Variants in COL21A1 observed in about 807,000 individuals in gnomAD.
COL21A1 encodes the protein collagen alpha-1(XXI) chain.
In COL21A1, 149 loss-of-function variants were observed where a neutral mutation model predicts 137.9. The ratio of observed to expected loss-of-function variants is 1.08; its 90% confidence interval spans 0.95 to 1.24. The LOEUF (loss-of-function observed/expected upper bound fraction) is 1.24, where lower values mean the gene tolerates loss of function less well. Ranked by LOEUF, COL21A1 falls within the 50% of genes most tolerant of loss-of-function variation. The pLI, the probability that COL21A1 is intolerant of heterozygous loss-of-function variation, is 0.00. For synonymous variants in COL21A1, 456 were observed against 391.5 expected, an observed-to-expected ratio of 1.16 and a Z score of -1.95; for missense variants, 1,167 against 1,158.4, an observed-to-expected ratio of 1.01 and a Z score of -0.11.
At chr6:56,320,518 AACACAC>A (rs55942460) in intron 1 of COL21A1, among the ~76,000 whole-genome samples, 35,758 of 149,252 alleles carry the variant, frequency 0.24, 5,045 homozygotes, top group Middle Eastern at 0.43. Context: ...ACACAATCTG[AACACAC>A]ACACACACAC....
At chr6:56,185,841 A>G (rs918630635) in intron 1 of COL21A1, among the ~76,000 whole-genome samples, 2 of 152,232 alleles carry the variant, frequency 1.3e-5, no homozygotes, top group African/African-American at 4.8e-5. Flanking sequence ...CTCCTGGTCC[A>G]GATAGCTTCA....
At chr6:56,201,068 T>C (rs2152297952) in intron 1 of COL21A1, among the ~76,000 whole-genome samples, 1 of 152,302 alleles carries the variant, frequency 6.6e-6, no homozygotes, top group African/African-American at 2.4e-5. Context: ...TGATGAGCAT[T>C]TTTTCATGTG....
At chr6:56,200,711 C>T (rs910041269) in intron 1 of COL21A1, among the ~76,000 whole-genome samples, 3 of 152,090 alleles carry the variant, frequency 2.0e-5, no homozygotes, top group Admixed American at 1.3e-4. Flanking sequence ...CATTGTTGGA[C>T]ATATGGCTTG....
intron 1 of COL21A1, among the ~76,000 whole-genome samples, chr6:56,327,869 G>T (rs1271423873): frequency 2.0e-5 from 3 of 152,016 alleles, no homozygotes; most frequent in African/African-American, 7.3e-5. Flanking sequence ...TAGAATGCCT[G>T]GCTAGGAAAC....
chr6:56,121,565 T>TATAC (rs1329620101), intron 16 of COL21A1, among the ~76,000 whole-genome samples: 1 of 147,216 alleles, frequency 6.8e-6, no homozygotes, highest in African/African-American at 2.5e-5. Context: ...TATGTGTATA[T>TATAC]ATATATATGT....
At chr6:56,252,884 T>A (rs1244013963) in intron 1 of COL21A1, among the ~76,000 whole-genome samples, 1 of 152,174 alleles carries the variant, frequency 6.6e-6, no homozygotes, top group Admixed American at 6.5e-5. Flanking sequence ...CTGGGGCTTT[T>A]TAGAACGAAT....
At chr6:56,312,241 C>T (rs372266377) in intron 1 of COL21A1, among the ~76,000 whole-genome samples, 1 of 152,034 alleles carries the variant, frequency 6.6e-6, no homozygotes, top group Non-Finnish European at 1.5e-5. Context: ...CAATGGAAGC[C>T]GATTGTTGAC....
In COL21A1 at chr6:56,084,229, T is replaced by TA. The variant is rs960593642; in HGVS notation, c.1813-6657dup. ...AGTATGCAGAAAAAATATATATATA[T>TA]AAAAAACATTAATAAGAGAGATTAG... is the stretch of plus-strand genomic sequence containing the variant. On this transcript the variant is annotated intron_variant, in intron 17 of 29. Coordinates refer to ENST00000244728, the MANE Select transcript of COL21A1 (RefSeq NM_030820.4). Among the ~76,000 whole-genome samples, 8 of 151,192 alleles carry TA rather than the reference T, an allele frequency of 5.3e-5. No individual in the cohort carries two copies. The Admixed American group carries it at 5.3e-4, about 10-fold the overall frequency.
chr6:56,189,042 A>G (rs1172125050), intron 1 of COL21A1, among the ~76,000 whole-genome samples: 1 of 152,116 alleles, frequency 6.6e-6, no homozygotes, highest in African/African-American at 2.4e-5. Flanking sequence ...AAATTCCAAA[A>G]ACCAGAACAC....
upstream of COL21A1, among the ~76,000 whole-genome samples, chr6:56,248,944 G>A (rs1782778575): frequency 6.6e-6 from 1 of 152,252 alleles, no homozygotes; most frequent in South Asian, 2.1e-4. Context: ...ACACTATCTA[G>A]AAAGTAAACA....
intron 1 of COL21A1, among the ~76,000 whole-genome samples, chr6:56,357,319 A>G (rs1765857011): frequency 6.6e-6 from 1 of 152,196 alleles, no homozygotes; most frequent in South Asian, 2.1e-4. Context: ...ATGGAAGTGT[A>G]TCTTACAATC....
rs2114010879 is a variant in COL21A1 at position 56,057,466 on chromosome 6, G to A, written c.*191C>T. 1 of 596,138 alleles carries A rather than the reference G, an allele frequency of 1.7e-6. No individual in the cohort carries two copies. The highest frequency in any genetic ancestry group is 2.9e-6 in the Non-Finnish European group (1 of 343,868). 36.9% of individuals were successfully genotyped at this position (596,138 alleles called of 1,614,324 possible). A position where few individuals can be genotyped will look rare whatever the true frequency, so the allele number is the denominator to read the frequency against. Reference sequence around the variant, plus strand: ...TTTAATTAATGCTGCTAATCCAAGGGCTCCAAATGACTGAGGAGCCTTTAA... The same window carrying A: ...TTTAATTAATGCTGCTAATCCAAGGACTCCAAATGACTGAGGAGCCTTTAA... On this transcript the variant is annotated 3_prime_UTR_variant, in exon 30 of 30. Transcript: ENST00000244728.
intron 1 of COL21A1, among the ~76,000 whole-genome samples, chr6:56,204,203 C>T (rs1003351411): frequency 6.6e-6 from 1 of 152,096 alleles, no homozygotes; most frequent in South Asian, 2.1e-4. Flanking sequence ...GGGTCGCTCC[C>T]CCATGGAGCC....
At chr6:56,215,824 AG>A (rs1268154253) in intron 1 of COL21A1, among the ~76,000 whole-genome samples, 2 of 152,132 alleles carry the variant, frequency 1.3e-5, no homozygotes, top group Non-Finnish European at 2.9e-5. Flanking sequence ...TATGGTTGAA[AG>A]GAATCTCCTT....
chr6:56,241,759 A>G (rs1379519059), intron 1 of COL21A1, among the ~76,000 whole-genome samples: 1 of 152,252 alleles, frequency 6.6e-6, no homozygotes, highest in Non-Finnish European at 1.5e-5. Flanking sequence ...ATGTCAAACG[A>G]CAATCAAAAA....
intron 1 of COL21A1, among the ~76,000 whole-genome samples, chr6:56,246,131 A>G (rs141871659): frequency 6.6e-6 from 1 of 152,264 alleles, no homozygotes; most frequent in Non-Finnish European, 1.5e-5. Context: ...CCACTTCAAT[A>G]ATCCAGAGGC....
intron 1 of COL21A1, among the ~76,000 whole-genome samples, chr6:56,195,189 A>G (rs1361730506): frequency 6.6e-6 from 1 of 152,128 alleles, no homozygotes; most frequent in East Asian, 1.9e-4. Context: ...TTTATAAATT[A>G]TGCAGTTTTG....
chr6:56,323,851 A>G (rs1764934993), intron 1 of COL21A1, among the ~76,000 whole-genome samples: 1 of 152,138 alleles, frequency 6.6e-6, no homozygotes, highest in African/African-American at 2.4e-5. Context: ...TGTAGCCTGA[A>G]GTAAAAATGT....
At chr6:56,298,741 A>G (rs1764215537) in intron 1 of COL21A1, among the ~76,000 whole-genome samples, 1 of 152,076 alleles carries the variant, frequency 6.6e-6, no homozygotes, top group Non-Finnish European at 1.5e-5. Context: ...AGCTATAAAC[A>G]TACTGCCAGC....
Sources: gnomAD v4.1 joint callset for allele counts (sites outside exome capture counted in the v4.1 genomes callset) on GRCh38, gnomAD v4.1.1 for gene constraint, MANE v1.5 for transcripts, NCBI Gene and HGNC (gene_info 2026-07-23, HGNC 2026-07-21) for gene names.